Variants in RGS7 observed in about 807,000 individuals in gnomAD.
RGS7 encodes regulator of G-protein signaling 7.
A neutral mutation model predicts 81.1 loss-of-function variants in RGS7; 27 were observed. That is an observed-to-expected ratio of 0.33 (90% CI 0.25 to 0.46). RGS7 has a LOEUF of 0.46. RGS7 is among the 20% of genes least tolerant of loss of function. The pLI is 1.00. For missense variants in RGS7, 396 were observed against 607.4 expected (o/e 0.65, Z 3.66); for synonymous variants, 208 against 207.7 (o/e 1.00, Z -0.01).
chr1:241,245,348 C>T (rs72760524), intron 2 of RGS7, among the ~76,000 whole-genome samples: 1 of 149,680 alleles, frequency 6.7e-6, no homozygotes, highest in East Asian at 1.9e-4. Context: ...CCTCCCCACA[C>T]CCCCCTCCTC....
chr1:241,257,815 G>A (rs1276068874), intron 2 of RGS7, among the ~76,000 whole-genome samples: 3 of 152,156 alleles, frequency 2.0e-5, no homozygotes, highest in African/African-American at 7.2e-5. Context: ...TGTATTTCAT[G>A]CAGAAAGTGT....
intron 18 of RGS7, among the ~76,000 whole-genome samples, chr1:240,783,429 A>C (rs1038064158): frequency 6.6e-6 from 1 of 151,346 alleles, no homozygotes; most frequent in Non-Finnish European, 1.5e-5. Flanking sequence ...TGAGACCAGC[A>C]CGGCCAACAT....
chr1:240,804,086 G>A (rs913816011), intron 15 of RGS7, among the ~76,000 whole-genome samples: 4 of 152,156 alleles, frequency 2.6e-5, no homozygotes, highest in African/African-American at 9.7e-5. Context: ...AGCATTTTGA[G>A]ATTCACATTC....
Position 240,868,510 on chromosome 1 carries a change from C to T in RGS7, c.609+77G>A, listed in dbSNP as rs1292753550. 1.6e-6 allele frequency: 2 copies of T among 1,275,236 alleles called. No individual in the cohort carries two copies. The highest frequency in any genetic ancestry group is 2.9e-5 in the African/African-American group (2 of 68,294). The allele number at this position is 1,275,236 out of a possible 1,614,324, so 79.0% of individuals were successfully genotyped here. ...TGCATGGGGTCACTACAGTCTTTCA[C>T]TTACTTTGGCAGGGCACCCCTCACT... On this transcript the variant is annotated intron_variant, in intron 9 of 18. Coordinates refer to ENST00000440928, the MANE Select transcript of RGS7 (RefSeq NM_001364886.1). The surrounding 1 kb of genome is among the most constrained non-coding windows in gnomAD (Gnocchi z 5.1).
chr1:241,198,938 T>A (rs1455465203), intron 2 of RGS7, among the ~76,000 whole-genome samples: 1 of 152,152 alleles, frequency 6.6e-6, no homozygotes, highest in Non-Finnish European at 1.5e-5. Flanking sequence ...TACAAATTTG[T>A]GCTAACCAAA....
intron 2 of RGS7, among the ~76,000 whole-genome samples, chr1:241,262,127 C>T (rs1300992450): frequency 6.6e-6 from 1 of 152,114 alleles, no homozygotes; most frequent in East Asian, 1.9e-4. Flanking sequence ...TTCCACCCTA[C>T]CCCATTCCCC....
intron 2 of RGS7, among the ~76,000 whole-genome samples, chr1:241,290,945 T>C (rs1211848406): frequency 6.6e-6 from 1 of 152,228 alleles, no homozygotes; most frequent in Non-Finnish European, 1.5e-5. Flanking sequence ...AATGGCAGCA[T>C]AAAATGGCAC....
In RGS7 at chr1:241,271,254, C is replaced by T. The variant is rs959770985; in HGVS notation, c.78+84445G>A. 3.9e-5 allele frequency among the ~76,000 whole-genome samples: 6 copies of T among 152,120 alleles called. No individual in the cohort carries two copies. Among genetic ancestry groups the T allele is most frequent in the Non-Finnish European group, 8.8e-5 (6 of 68,026 alleles). ...AAGTATTATGTAATATGATCCTCAC[C>T]CAAGAATGACCTCCAAGTTTCCTGA... On this transcript the variant is annotated intron_variant, in intron 2 of 18. Coordinates refer to ENST00000440928, the MANE Select transcript of RGS7 (RefSeq NM_001364886.1). This position sits in a 1 kb window ranked among gnomAD's most constrained non-coding sequence, Gnocchi z 4.6.
intron 3 of RGS7, among the ~76,000 whole-genome samples, chr1:241,016,336 C>G (rs2459939): frequency 0.88 from 133,122 of 152,114 alleles, 59,088 homozygotes; most frequent in East Asian, 1. Flanking sequence ...TGGCCAACAT[C>G]GTGAGACCCT....
At chr1:240,934,860 C>CCCTT (rs937303649) in intron 5 of RGS7, among the ~76,000 whole-genome samples, 2 of 141,578 alleles carry the variant, frequency 1.4e-5, no homozygotes, top group East Asian at 2.0e-4. Context: ...GTATGGTGAT[C>CCCTT]CCTTCCTTCA....
At chr1:241,333,967 ATAT>A (rs1235833360) in intron 2 of RGS7, among the ~76,000 whole-genome samples, 2 of 151,372 alleles carry the variant, frequency 1.3e-5, no homozygotes, top group African/African-American at 2.4e-5. Flanking sequence ...AGCAATTATA[ATAT>A]TATAGTTTTA....
intron 2 of RGS7, among the ~76,000 whole-genome samples, chr1:241,253,683 C>T (rs1275657453): frequency 6.6e-6 from 1 of 152,176 alleles, no homozygotes; most frequent in Non-Finnish European, 1.5e-5. Context: ...TCTCTCCTTC[C>T]ATAATTCTGA....
chr1:241,208,615 G>T (rs2074065564), intron 2 of RGS7, among the ~76,000 whole-genome samples: 1 of 152,020 alleles, frequency 6.6e-6, no homozygotes, highest in African/African-American at 2.4e-5. Context: ...CATCCCAGGT[G>T]CAAATCTAGC....
intron 2 of RGS7, among the ~76,000 whole-genome samples, chr1:241,197,181 T>C (rs1398677817): frequency 6.6e-6 from 1 of 151,270 alleles, no homozygotes; most frequent in African/African-American, 2.4e-5. Flanking sequence ...TCACCTTAAA[T>C]ATAAGAATAT....
chr1:240,898,091 T>G (rs1669387542), intron 6 of RGS7, among the ~76,000 whole-genome samples: 1 of 152,210 alleles, frequency 6.6e-6, no homozygotes, highest in Non-Finnish European at 1.5e-5. Flanking sequence ...TAGTATTCTC[T>G]GATGGTAGTT....
At chr1:241,003,184 G>A (rs770031950) in intron 3 of RGS7, among the ~76,000 whole-genome samples, 21 of 152,182 alleles carry the variant, frequency 1.4e-4, no homozygotes, top group South Asian at 6.2e-4. Context: ...TGTGCCAGCC[G>A]GGCGCAGTGG....
chr1:241,307,779 C>T (rs770108731), intron 2 of RGS7, among the ~76,000 whole-genome samples: 31 of 152,142 alleles, frequency 2.0e-4, no homozygotes, highest in Non-Finnish European at 4.0e-4. Flanking sequence ...TAAGTCAATA[C>T]TTTTGAATGA....
chr1:241,138,044 G>A (rs1351586615), intron 2 of RGS7, among the ~76,000 whole-genome samples: 1 of 151,908 alleles, frequency 6.6e-6, no homozygotes, highest in African/African-American at 2.4e-5. Flanking sequence ...GGTGGCAGGT[G>A]CCTGTAATCC....
chr1:241,150,095 C>A (rs538080330), intron 2 of RGS7, among the ~76,000 whole-genome samples: 20 of 152,054 alleles, frequency 1.3e-4, no homozygotes, highest in Non-Finnish European at 2.6e-4. Flanking sequence ...CATACACAGA[C>A]CAAGGGTACA....
Sources: gnomAD v4.1 joint callset for allele counts (sites outside exome capture counted in the v4.1 genomes callset) on GRCh38, gnomAD v4.1.1 for gene constraint, Gnocchi (gnomAD v3.1) non-coding constraint, MANE v1.5 for transcripts, NCBI Gene and HGNC (gene_info 2026-07-23, HGNC 2026-07-21) for gene names.